Variants in ALKAL1 observed in about 807,000 individuals in gnomAD.
ALKAL1 encodes ALK and LTK ligand 1, also known as AUG-beta.
ALKAL1 carries 23 observed loss-of-function variants against 13.5 expected under a neutral mutation model. The ratio of observed to expected loss-of-function variants is 1.70; its 90% CI spans 1.23 to 2.41. The LOEUF (loss-of-function observed/expected upper bound fraction) is 2.41. ALKAL1 is among the 30% of genes most tolerant of loss of function. The probability of loss-of-function intolerance (pLI) is 0.00; values close to 1 mark genes in which losing one functional copy is unlikely to be tolerated. For missense variants in ALKAL1, 181 were observed against 178.4 expected (o/e 1.01, Z -0.08); for synonymous variants, 85 against 77.7 (o/e 1.09, Z -0.49).
At chr8:52,563,838 G>A (rs550215456) in intron 1 of ALKAL1, among the ~76,000 whole-genome samples, 4 of 152,218 alleles carry the variant, frequency 2.6e-5, no homozygotes, top group East Asian at 1.9e-4. Context: ...CCCCAGGGCA[G>A]GACACCCTGC....
chr8:52,542,740 A>G (rs1847326393), intron 1 of ALKAL1, among the ~76,000 whole-genome samples: 1 of 152,230 alleles, frequency 6.6e-6, no homozygotes, highest in Non-Finnish European at 1.5e-5. Flanking sequence ...CGTGTTCCTC[A>G]GTCCACTGAA....
intron 1 of ALKAL1, among the ~76,000 whole-genome samples, chr8:52,546,479 C>G (rs548680507): frequency 4.6e-5 from 7 of 152,232 alleles, no homozygotes; most frequent in Admixed American, 2.6e-4. Context: ...AGTTCTCATA[C>G]TTTAGCCCAG....
intron 1 of ALKAL1, among the ~76,000 whole-genome samples, chr8:52,548,081 G>A (rs751761947): frequency 6.6e-6 from 1 of 152,234 alleles, no homozygotes; most frequent in Non-Finnish European, 1.5e-5. Flanking sequence ...GGGTGCAGTG[G>A]CTTATGCCTG....
chr8:52,538,373 A>C, intron 4 of ALKAL1, 58 bp downstream of exon 4: 1 of 1,006,558 alleles, frequency 9.9e-7, no homozygotes, highest in South Asian at 1.5e-5. Context: ...AAAGGAAAAA[A>C]TGTTTAAAAA....
chr8:52,554,954 G>C (rs1252464578), intron 1 of ALKAL1, among the ~76,000 whole-genome samples: 1 of 152,098 alleles, frequency 6.6e-6, no homozygotes, highest in African/African-American at 2.4e-5. Flanking sequence ...GGCGGATCAC[G>C]AGGTCAGGAG....
chr8:52,539,860 T>C lies in ALKAL1; in HGVS notation c.296A>G (p.Tyr99Cys). 3 of 1,613,290 alleles carry C rather than the reference T, an allele frequency of 1.9e-6. No homozygotes were observed. Among genetic ancestry groups the C allele is most frequent in the Non-Finnish European group, 2.5e-6 (3 of 1,179,816 alleles). ...ECSKHFHRLY[Y>C]NTRECSTPAY... ...TGGCGTTGAGCACTCCCTGGTATTG[T>C]AATAGAGTCGGTGGAAATGTTTGCT... Residue 99 changes from tyrosine to cysteine, a missense_variant, in exon 3 of 5, where the codon TAC (tyrosine) becomes TGC (cysteine). Transcript: ENST00000358543.
In ALKAL1 at chr8:52,543,592, TACAA is replaced by T. The variant is rs1847336164; in HGVS notation, c.191-1151_191-1148del. Among the ~76,000 whole-genome samples the T allele has an allele frequency of 2.6e-5, 4 of 152,184 alleles. No individual in the cohort carries two copies. The South Asian group carries it at 6.2e-4, about 24-fold the overall frequency. On this transcript the variant is annotated intron_variant, in intron 1 of 4. Coordinates refer to ENST00000358543, the MANE Select transcript of ALKAL1 (RefSeq NM_207413.4). Reference sequence around the variant, plus strand: ...CATTTGACAATGAACACCTGCACTTTACAAACAATTAAAACTAATCCTGAAAAAC... The same window carrying T: ...CATTTGACAATGAACACCTGCACTTTACAATTAAAACTAATCCTGAAAAAC...
chr8:52,561,561 G>A (rs983148787), intron 1 of ALKAL1, among the ~76,000 whole-genome samples: 2 of 152,126 alleles, frequency 1.3e-5, no homozygotes, highest in African/African-American at 4.8e-5. Flanking sequence ...GAGAGCTGCC[G>A]AAAGGTAAGA....
intron 1 of ALKAL1, among the ~76,000 whole-genome samples, chr8:52,550,795 A>G (rs187488941): frequency 6.6e-6 from 1 of 152,028 alleles, no homozygotes; most frequent in Non-Finnish European, 1.5e-5. Flanking sequence ...GTGTCTCTCT[A>G]TCTTCCCATG....
chr8:52,559,783 T>C (rs958274474), intron 1 of ALKAL1, among the ~76,000 whole-genome samples: 1 of 152,164 alleles, frequency 6.6e-6, no homozygotes, highest in Non-Finnish European at 1.5e-5. Flanking sequence ...TGGTAGGAAG[T>C]AAATAAGACA....
At chr8:52,553,632 T>C (rs960651752) in intron 1 of ALKAL1, among the ~76,000 whole-genome samples, 2 of 152,212 alleles carry the variant, frequency 1.3e-5, no homozygotes, top group African/African-American at 2.4e-5. Flanking sequence ...AGTCCTCCTA[T>C]ATTATACAAT....
At chr8:52,546,958 G>A (rs1040528356) in intron 1 of ALKAL1, among the ~76,000 whole-genome samples, 3 of 152,254 alleles carry the variant, frequency 2.0e-5, no homozygotes, top group East Asian at 1.9e-4. Context: ...TGCCTGCCCT[G>A]CAGCACACTC....
intron 1 of ALKAL1, among the ~76,000 whole-genome samples, chr8:52,560,963 A>G (rs1465809446): frequency 2.0e-5 from 3 of 152,194 alleles, no homozygotes; most frequent in Non-Finnish European, 4.4e-5. Flanking sequence ...AAATATTAAA[A>G]TGGAAGATGA....
Position 52,565,137 on chromosome 8 carries a change from C to T in ALKAL1, c.120G>A (p.Lys40=). The change falls in exon 1 of 5, where the codon AAG becomes AAA. Residue 40 remains lysine, a synonymous_variant. Coordinates refer to ENST00000358543, the MANE Select transcript of ALKAL1 (RefSeq NM_207413.4). ...RGRRGARVTD[K]EPKPLLFLPA... is the part of the protein sequence containing the mutation. ...GGAGGAAAAGCAACGGCTTGGGCTCCTTATCCGTGACGCGCGCTCCCCTGC... is the reference window on the plus strand; with the variant it reads ...GGAGGAAAAGCAACGGCTTGGGCTCTTTATCCGTGACGCGCGCTCCCCTGC... 1.4e-6 allele frequency: 2 copies of T among 1,412,164 alleles called. No homozygotes were observed. The highest frequency in any genetic ancestry group is 9.3e-7 in the Non-Finnish European group (1 of 1,076,054). The allele number at this position is 1,412,164 out of a possible 1,614,324, so 87.5% of individuals were successfully genotyped here. A position where few individuals can be genotyped will look rare whatever the true frequency, so the allele number is the denominator to read the frequency against.
At chr8:52,560,204 C>T (rs928160311) in intron 1 of ALKAL1, among the ~76,000 whole-genome samples, 2 of 152,138 alleles carry the variant, frequency 1.3e-5, no homozygotes, top group Admixed American at 6.5e-5. Flanking sequence ...ACAATAACTC[C>T]AAGTAAAACA....
intron 1 of ALKAL1, 148 bp from the exon 2 acceptor site, chr8:52,542,593 C>A: frequency 1.7e-6 from 1 of 601,036 alleles, no homozygotes; most frequent in Admixed American, 3.1e-5. Context: ...TTCTCCAGCC[C>A]TGACCATTTC....
At chr8:52,548,057 T>C (rs183166715) in intron 1 of ALKAL1, among the ~76,000 whole-genome samples, 11 of 152,320 alleles carry the variant, frequency 7.2e-5, no homozygotes, top group South Asian at 2.1e-4. Flanking sequence ...AAGTCTGAAA[T>C]GTAACTTTAC....
At chr8:52,547,082 T>C (rs567546855) in intron 1 of ALKAL1, among the ~76,000 whole-genome samples, 2 of 152,348 alleles carry the variant, frequency 1.3e-5, no homozygotes, top group Middle Eastern at 6.8e-3. Flanking sequence ...TTAACTTTTT[T>C]GAATATAAAT....
At chr8:52,550,481 A>T (rs1337898639) in intron 1 of ALKAL1, among the ~76,000 whole-genome samples, 1 of 152,198 alleles carries the variant, frequency 6.6e-6, no homozygotes, top group Non-Finnish European at 1.5e-5. Flanking sequence ...TTACATATGG[A>T]ATAAGTACAG....
Sources: allele counts gnomAD v4.1 joint callset (sites outside exome capture counted in the v4.1 genomes callset), GRCh38; gene constraint gnomAD v4.1.1; transcripts MANE v1.5; gene names NCBI Gene and HGNC (gene_info 2026-07-23, HGNC 2026-07-21).